The following ANKRD17 variants were observed in gnomAD, a reference collection of about 807,000 sequenced individuals.
ANKRD17 encodes the protein ankyrin repeat domain-containing protein 17.
Under a neutral mutation model 229.7 loss-of-function variants are expected in ANKRD17, and 19 were observed. The ratio of observed to expected loss-of-function variants is 0.08; its 90% confidence interval spans 0.06 to 0.12. The LOEUF (loss-of-function observed/expected upper bound fraction) is 0.12, where lower values mean the gene tolerates loss of function less well. Ranked by LOEUF, ANKRD17 falls within the 10% of genes least tolerant of loss-of-function variation. The pLI is 1.00. For synonymous variants in ANKRD17, 1,112 were observed against 1,146.1 expected (o/e 0.97, Z 0.60); for missense variants, 2,176 against 3,176.8 (o/e 0.68, Z 7.57).
intron 2 of ANKRD17, among the ~76,000 whole-genome samples, chr4:73,167,169 G>GTACACATCC (rs1482389792): frequency 6.6e-6 from 1 of 152,142 alleles, no homozygotes; most frequent in African/African-American, 2.4e-5. Context: ...CCTGTACACT[G>GTACACATCC]AAGGCTGCTG....
intron 1 of ANKRD17, among the ~76,000 whole-genome samples, chr4:73,207,823 T>G (rs567168664): frequency 3.2e-4 from 48 of 152,260 alleles, no homozygotes; most frequent in Middle Eastern, 3.4e-3. Context: ...TCTACAATTA[T>G]ATTTTGGAGA....
intron 1 of ANKRD17, among the ~76,000 whole-genome samples, chr4:73,228,538 G>C (rs1261989572): frequency 6.6e-6 from 1 of 152,104 alleles, no homozygotes. Context: ...GACACAACCA[G>C]TTATTGTATC....
intron 1 of ANKRD17, among the ~76,000 whole-genome samples, chr4:73,179,458 ATG>A (rs1171768587): frequency 3.1e-5 from 4 of 127,476 alleles, no homozygotes; most frequent in Non-Finnish European, 6.5e-5. Flanking sequence ...CTGTGTATAT[ATG>A]TATATATGTG....
At chr4:73,200,492 T>C (rs1370265260) in intron 1 of ANKRD17, among the ~76,000 whole-genome samples, 1 of 152,024 alleles carries the variant, frequency 6.6e-6, no homozygotes, top group Non-Finnish European at 1.5e-5. Flanking sequence ...GATTTAATAG[T>C]TTTGGGGAGT....
At chr4:73,210,878 C>A (rs1740154403) in intron 1 of ANKRD17, among the ~76,000 whole-genome samples, 1 of 151,806 alleles carries the variant, frequency 6.6e-6, no homozygotes, top group African/African-American at 2.4e-5. Context: ...CCAAATTTGG[C>A]TCTGGTTGCT....
chr4:73,086,919 A>AAAAAAAAAATATATAT (rs1553911000), intron 29 of ANKRD17, among the ~76,000 whole-genome samples: 1 of 12,462 alleles, frequency 8.0e-5, no homozygotes, highest in Non-Finnish European at 1.8e-4. Context: ...AAAAAAAAAA[A>AAAAAAAAAATATATAT]ATATATATAT....
At chr4:73,125,079 TCTCA>T (rs1727256350) in intron 17 of ANKRD17, 21 bp from the exon 18 acceptor site, 1 of 1,613,506 alleles carries the variant, frequency 6.2e-7, no homozygotes, top group African/African-American at 1.3e-5. Flanking sequence ...ATAATGATCT[TCTCA>T]CTACATGCTA....
Position 73,078,742 on chromosome 4 carries a change from C to T in ANKRD17, c.7308G>A (p.Arg2436=). 6.2e-7 allele frequency: 1 copy of T among 1,614,088 alleles called. No homozygotes were observed. Residue 2436 remains arginine (R), a synonymous_variant, in exon 31 of 34, where the codon AGG becomes AGA. Coordinates refer to ENST00000358602, the MANE Select transcript of ANKRD17 (RefSeq NM_032217.5). The part of the protein sequence containing the change: ...PIGTERSARI[R]QTGTSAPSVI... The stretch of plus-strand genomic sequence containing the variant: ...CAGATGGAGCTGACGTTCCAGTTTG[C>T]CTGATACGTGCAGAACGTTCAGTCC...
intron 24 of ANKRD17, among the ~76,000 whole-genome samples, chr4:73,104,233 G>C (rs1203656587): frequency 1.3e-5 from 2 of 152,190 alleles, no homozygotes; most frequent in African/African-American, 4.8e-5. Flanking sequence ...TGAAGTATTA[G>C]GAACAAAACA....
chr4:73,153,750 C>A lies in ANKRD17; in HGVS notation c.1234+130G>T, dbSNP rs890028704. ...TAAACAAACTGCAACACTGCAAACA[C>A]TTATTTAACCTTTAATTACATACTA... On this transcript the variant is annotated intron_variant, in intron 6 of 33. Transcript: ENST00000358602. 52 of 585,794 alleles carry A rather than the reference C, an allele frequency of 8.9e-5. No individual in the cohort carries two copies. The African/African-American group carries it at 9.6e-4, about 11-fold the overall frequency. 36.3% of individuals were successfully genotyped at this position (585,794 alleles called of 1,614,324 possible).
chr4:73,128,373 G>A (rs1183192118), intron 16 of ANKRD17, among the ~76,000 whole-genome samples: 1 of 152,194 alleles, frequency 6.6e-6, no homozygotes, highest in Non-Finnish European at 1.5e-5. Flanking sequence ...TATGCAATCA[G>A]CAGAAGAATC....
In ANKRD17 at chr4:73,177,433, C is replaced by T; in HGVS notation, c.494G>A (p.Arg165Lys). Reference sequence around the variant, plus strand: ...AGCCTGTGTTTCTGGATCTACTGTCCTGAGGTCTGCACCATCAGCAGTACC... The same window carrying T: ...AGCCTGTGTTTCTGGATCTACTGTCTTGAGGTCTGCACCATCAGCAGTACC... ...LSGTADGADL[R>K]TVDPETQARL... Residue 165 changes from arginine to lysine, a missense_variant, in exon 2 of 34, where the codon AGG (arginine) becomes AAG (lysine). Transcript: ENST00000358602. The T allele has an allele frequency of 6.2e-7, 1 of 1,613,480 alleles. No individual in the cohort carries two copies. The highest frequency in any genetic ancestry group is 8.5e-7 in the Non-Finnish European group (1 of 1,179,606).
chr4:73,132,895 T>C (rs953984836), intron 16 of ANKRD17, among the ~76,000 whole-genome samples: 2 of 152,164 alleles, frequency 1.3e-5, no homozygotes, highest in Non-Finnish European at 2.9e-5. Context: ...AAGTACTTAT[T>C]TTTGCTAATG....
rs747727221 is a variant in ANKRD17, at chr4:73,155,972, C to T, written c.852+47G>A. On this transcript the variant is annotated intron_variant, in intron 4 of 33. Transcript: ENST00000358602. ...TTTATTATTTCCTTAGTAAGCAAGC[C>T]AGTTTTTAAAAAAACAACAAATAAG... 5.2e-6 allele frequency: 8 copies of T among 1,532,006 alleles called. No individual in the cohort carries two copies. In the African/African-American group the frequency reaches 9.8e-5, roughly 19 times the overall value. The allele number at this position is 1,532,006 out of a possible 1,614,324, so 94.9% of individuals were successfully genotyped here. A position where few individuals can be genotyped will look rare whatever the true frequency, so the allele number is the denominator to read the frequency against.
chr4:73,100,178 A>G (rs561404369), intron 25 of ANKRD17, among the ~76,000 whole-genome samples: 2 of 152,140 alleles, frequency 1.3e-5, no homozygotes, highest in Non-Finnish European at 2.9e-5. Flanking sequence ...CCAAATGTTC[A>G]TCCTCATTGC....
At chr4:73,112,027 T>C (rs1300526327) in intron 24 of ANKRD17, among the ~76,000 whole-genome samples, 1 of 152,164 alleles carries the variant, frequency 6.6e-6, no homozygotes, top group Non-Finnish European at 1.5e-5. Flanking sequence ...GGGACATTCA[T>C]GGAAGATGCT....
chr4:73,252,225 C>T (rs1005875399), intron 1 of ANKRD17, among the ~76,000 whole-genome samples: 3 of 152,184 alleles, frequency 2.0e-5, no homozygotes, highest in Non-Finnish European at 2.9e-5. Context: ...AAGGCTTTTG[C>T]TTTCAGATAT....
chr4:73,230,839 G>A (rs1325774180), intron 1 of ANKRD17, among the ~76,000 whole-genome samples: 2 of 152,120 alleles, frequency 1.3e-5, no homozygotes, highest in African/African-American at 2.4e-5. Flanking sequence ...CGCATTTGTT[G>A]TCTCTACCCA....
chr4:73,211,607 G>A lies in ANKRD17; in HGVS notation c.394-34074C>T, dbSNP rs191897872. On this transcript the variant is annotated intron_variant, in intron 1 of 33. Coordinates refer to ENST00000358602, the MANE Select transcript of ANKRD17 (RefSeq NM_032217.5). ...CATGCCTGTAATCTCAGCACTTTGG[G>A]AGGCCGAGGCAGGTGGATCACCTGA... Among the ~76,000 whole-genome samples the A allele has an allele frequency of 3.3e-4, 51 of 152,242 alleles. No individual in the cohort carries two copies. The East Asian group carries it at 6.2e-3, about 18-fold the overall frequency.
Sources: allele counts gnomAD v4.1 joint callset (sites outside exome capture counted in the v4.1 genomes callset), GRCh38; gene constraint gnomAD v4.1.1; transcripts MANE v1.5; gene names NCBI Gene and HGNC (gene_info 2026-07-23, HGNC 2026-07-21).